PTPRK: variants seen among roughly 807,000 people sequenced by gnomAD.
PTPRK encodes the protein protein tyrosine phosphatase receptor type K.
PTPRK carries 75 observed loss-of-function variants against 178.0 expected under a neutral mutation model. The observed-to-expected ratio is 0.42, with a 90% CI of 0.35 to 0.51. PTPRK has a LOEUF of 0.51. Ranked by LOEUF, PTPRK falls within the 20% of genes least tolerant of loss-of-function variation. The pLI is 0.02. For synonymous variants in PTPRK, 637 were observed against 620.6 expected (o/e 1.03, Z -0.39); for missense variants, 1,441 against 1,797.8 (o/e 0.80, Z 3.59).
At chr6:128,088,132 C>G (rs555588047) in intron 8 of PTPRK, among the ~76,000 whole-genome samples, 52 of 152,180 alleles carry the variant, frequency 3.4e-4, no homozygotes, top group African/African-American at 1.3e-3. Flanking sequence ...AACCCTAGCA[C>G]TTTGGGAGGC....
intron 1 of PTPRK, among the ~76,000 whole-genome samples, chr6:128,481,555 C>A (rs1226474088): frequency 6.6e-6 from 1 of 152,092 alleles, no homozygotes; most frequent in Non-Finnish European, 1.5e-5. Context: ...GATACTGTAA[C>A]ATTGTATTGC....
intron 2 of PTPRK, among the ~76,000 whole-genome samples, chr6:128,349,979 C>T (rs945257503): frequency 2.6e-5 from 4 of 152,012 alleles, no homozygotes; most frequent in Admixed American, 6.6e-5. Flanking sequence ...ATTACTGTCC[C>T]GGGAAGAATA....
At chr6:128,415,184 A>G (rs916686841) in intron 1 of PTPRK, among the ~76,000 whole-genome samples, 2 of 152,198 alleles carry the variant, frequency 1.3e-5, no homozygotes, top group African/African-American at 2.4e-5. Flanking sequence ...ACAGACAGTC[A>G]AGAGCTATTG....
intron 7 of PTPRK, among the ~76,000 whole-genome samples, chr6:128,091,546 G>A (rs1333047624): frequency 1.3e-5 from 2 of 152,144 alleles, no homozygotes; most frequent in Admixed American, 1.3e-4. Context: ...CTGTTTGGTA[G>A]CCATGGCAAG....
intron 2 of PTPRK, among the ~76,000 whole-genome samples, chr6:128,342,643 A>G (rs914891313): frequency 1.3e-5 from 2 of 152,144 alleles, no homozygotes; most frequent in South Asian, 4.1e-4. Context: ...TCTCTAATAC[A>G]TTTTCATAAA....
At chr6:128,149,117 G>A (rs948920557) in intron 7 of PTPRK, among the ~76,000 whole-genome samples, 2 of 135,386 alleles carry the variant, frequency 1.5e-5, no homozygotes, top group East Asian at 2.3e-4. Flanking sequence ...AAATCTTTAC[G>A]GAAATACTTG....
intron 20 of PTPRK, 138 bp from the exon 21 acceptor site, chr6:127,991,023 A>T (rs1253939784): frequency 1.6e-6 from 1 of 629,600 alleles, no homozygotes; most frequent in Non-Finnish European, 2.8e-6. Flanking sequence ...AATCTATTAT[A>T]CAATAAACAG....
intron 3 of PTPRK, among the ~76,000 whole-genome samples, chr6:128,275,387 G>C (rs965775301): frequency 1.7e-4 from 26 of 151,838 alleles, no homozygotes; most frequent in African/African-American, 5.8e-4. Context: ...CTCTGTTTTT[G>C]TTTATTTATC....
chr6:128,399,486 G>C (rs1840749887), intron 1 of PTPRK, among the ~76,000 whole-genome samples: 1 of 152,112 alleles, frequency 6.6e-6, no homozygotes, highest in Non-Finnish European at 1.5e-5. Context: ...TTTTATAAAT[G>C]CTCTCATTAA....
chr6:128,134,192 T>C (rs1794681684), intron 7 of PTPRK, among the ~76,000 whole-genome samples: 1 of 152,190 alleles, frequency 6.6e-6, no homozygotes. Flanking sequence ...ACTTATGTAT[T>C]TATAGCTTTT....
At chr6:128,309,073 A>G (rs1481165126) in intron 3 of PTPRK, among the ~76,000 whole-genome samples, 1 of 152,196 alleles carries the variant, frequency 6.6e-6, no homozygotes, top group Non-Finnish European at 1.5e-5. Flanking sequence ...TCAACAGTCA[A>G]GTCAATAGGT....
At chr6:128,173,293 A>G (rs1800573449) in intron 7 of PTPRK, among the ~76,000 whole-genome samples, 1 of 152,032 alleles carries the variant, frequency 6.6e-6, no homozygotes, top group Non-Finnish European at 1.5e-5. Flanking sequence ...TCTATGTAAA[A>G]TAATTACCAG....
chr6:128,336,437 A>C (rs1008424353), intron 2 of PTPRK, among the ~76,000 whole-genome samples: 5 of 152,170 alleles, frequency 3.3e-5, no homozygotes, highest in Non-Finnish European at 5.9e-5. Context: ...AATCAAGCAC[A>C]GATGTCCTTC....
At chr6:128,298,669 AC>A (rs1310294708) in intron 3 of PTPRK, among the ~76,000 whole-genome samples, 5 of 152,070 alleles carry the variant, frequency 3.3e-5, no homozygotes, top group African/African-American at 7.2e-5. Context: ...AAATTCAATA[AC>A]CCTTCATGCT....
intron 7 of PTPRK, among the ~76,000 whole-genome samples, chr6:128,101,466 T>C (rs557706363): frequency 1.3e-5 from 2 of 152,228 alleles, no homozygotes; most frequent in East Asian, 1.9e-4. Context: ...CACATCTACT[T>C]AATACATCAT....
intron 2 of PTPRK, among the ~76,000 whole-genome samples, chr6:128,359,761 A>C (rs1262194240): frequency 6.6e-6 from 1 of 151,984 alleles, no homozygotes; most frequent in Non-Finnish European, 1.5e-5. Flanking sequence ...TCAAAAATAA[A>C]AAAAAAATAA....
intron 7 of PTPRK, among the ~76,000 whole-genome samples, chr6:128,120,864 C>T (rs17055321): frequency 0.026 from 3,902 of 151,950 alleles, 76 homozygotes; most frequent in Middle Eastern, 0.092. Context: ...AAAAACCTAA[C>T]TTTTCATTAC....
intron 13 of PTPRK, among the ~76,000 whole-genome samples, chr6:128,050,276 G>A (rs1582727799): frequency 6.6e-6 from 1 of 152,206 alleles, no homozygotes; most frequent in Non-Finnish European, 1.5e-5. Context: ...TGACTCTCTA[G>A]TGTTGCTCCA....
chr6:128,223,920 G>A (rs1810839578), intron 5 of PTPRK, among the ~76,000 whole-genome samples: 1 of 152,142 alleles, frequency 6.6e-6, no homozygotes, highest in South Asian at 2.1e-4. Flanking sequence ...TGATTATTTA[G>A]TATTGAGGTT....
Sources: gnomAD v4.1 joint callset for allele counts (sites outside exome capture counted in the v4.1 genomes callset) on GRCh38, gnomAD v4.1.1 for gene constraint, MANE v1.5 for transcripts, NCBI Gene and HGNC (gene_info 2026-07-23, HGNC 2026-07-21) for gene names.